The following LINGO2 variants were observed in gnomAD, a reference collection of about 807,000 sequenced individuals.
LINGO2 encodes leucine rich repeat and Ig domain containing 2.
A neutral mutation model predicts 30.6 loss-of-function variants in LINGO2; 14 were observed. The ratio of observed to expected loss-of-function variants is 0.46; its 90% CI spans 0.30 to 0.72. LINGO2 has a LOEUF of 0.72. Among genes scored for constraint, LINGO2 ranks in the 30% least tolerant of loss-of-function variants. The pLI, the probability that LINGO2 is intolerant of heterozygous loss-of-function variation, is 0.07. For missense variants in LINGO2, 729 were observed against 751.7 expected (o/e 0.97, Z 0.35); for synonymous variants, 317 against 288.5 (o/e 1.10, Z -1.00).
intron 1 of LINGO2, among the ~76,000 whole-genome samples, chr9:28,566,280 C>A (rs932346184): frequency 3.9e-5 from 6 of 152,084 alleles, no homozygotes; most frequent in Non-Finnish European, 8.8e-5. Flanking sequence ...AGAATGGCAC[C>A]ATTTCAATAT....
the LINGO2 span, among the ~76,000 whole-genome samples, chr9:28,947,248 G>A: frequency 3.3e-5 from 5 of 151,606 alleles, no homozygotes; most frequent in South Asian, 6.2e-4. Context: ...TAAACATTTC[G>A]TTAATTACAA....
At chr9:28,119,946 C>G (rs1215225702) in intron 4 of LINGO2, among the ~76,000 whole-genome samples, 2 of 152,114 alleles carry the variant, frequency 1.3e-5, no homozygotes, top group South Asian at 2.1e-4. Flanking sequence ...GGTTAAAATA[C>G]TAGAGTTTCT....
the LINGO2 span, among the ~76,000 whole-genome samples, chr9:28,992,307 A>G: frequency 2.0e-5 from 3 of 152,160 alleles, no homozygotes; most frequent in Non-Finnish European, 4.4e-5. Flanking sequence ...ATACAACAAG[A>G]AGAGCTAACT....
chr9:28,844,417 C>A, the LINGO2 span, among the ~76,000 whole-genome samples: 2 of 151,760 alleles, frequency 1.3e-5, no homozygotes, highest in Non-Finnish European at 2.9e-5. Flanking sequence ...CAGATGTAAT[C>A]CAATATGAGC....
At chr9:28,542,025 G>A (rs1470925957) in intron 1 of LINGO2, among the ~76,000 whole-genome samples, 2 of 152,114 alleles carry the variant, frequency 1.3e-5, no homozygotes, top group Non-Finnish European at 2.9e-5. Context: ...AACAGAGTTT[G>A]GGGTACAAAA....
chr9:28,302,105 A>T (rs1347588188), intron 3 of LINGO2, among the ~76,000 whole-genome samples: 1 of 152,212 alleles, frequency 6.6e-6, no homozygotes, highest in African/African-American at 2.4e-5. Flanking sequence ...AAAGACCTCT[A>T]GCAGCTAATA....
At chr9:28,388,365 G>T (rs1295814561) in intron 2 of LINGO2, among the ~76,000 whole-genome samples, 1 of 152,130 alleles carries the variant, frequency 6.6e-6, no homozygotes, top group East Asian at 1.9e-4. Context: ...AAACATTGCT[G>T]CTGTTAACGT....
intron 3 of LINGO2, among the ~76,000 whole-genome samples, chr9:28,302,177 G>T (rs1207794275): frequency 6.6e-6 from 1 of 152,122 alleles, no homozygotes; most frequent in South Asian, 2.1e-4. Flanking sequence ...ACAAGCTAAT[G>T]CAATCAAGTT....
intron 4 of LINGO2, among the ~76,000 whole-genome samples, chr9:28,174,375 G>A (rs1191067108): frequency 6.6e-6 from 1 of 152,166 alleles, no homozygotes; most frequent in African/African-American, 2.4e-5. Context: ...TTTACAAAAT[G>A]CCACTTGCTC....
chr9:28,933,220 C>T, the LINGO2 span, among the ~76,000 whole-genome samples: 3 of 152,008 alleles, frequency 2.0e-5, no homozygotes, highest in Non-Finnish European at 4.4e-5. Context: ...TTATCTCATT[C>T]CACTGTATTT....
chr9:28,225,782 A>T (rs1299279964), intron 4 of LINGO2, among the ~76,000 whole-genome samples: 13 of 152,298 alleles, frequency 8.5e-5, no homozygotes, highest in Non-Finnish European at 1.9e-4. Context: ...CAATTTTACT[A>T]GTAGTGCAAA....
chr9:28,576,457 A>G (rs1327653920), intron 1 of LINGO2, among the ~76,000 whole-genome samples: 1 of 152,214 alleles, frequency 6.6e-6, no homozygotes, highest in African/African-American at 2.4e-5. Flanking sequence ...CTAATTTACA[A>G]GTAATGTAAT....
intron 4 of LINGO2, among the ~76,000 whole-genome samples, chr9:28,190,655 T>C (rs1042662776): frequency 6.6e-6 from 1 of 152,164 alleles, no homozygotes; most frequent in Non-Finnish European, 1.5e-5. Context: ...TCCCAGCCTT[T>C]AGAATTGTGA....
At chr9:28,247,843 A>T (rs4615678) in intron 4 of LINGO2, among the ~76,000 whole-genome samples, 15,364 of 152,276 alleles carry the variant, frequency 0.1, 830 homozygotes, top group African/African-American at 0.1. Flanking sequence ...AATGGCAAAC[A>T]TGCATTTGAA....
At chr9:28,638,889 C>G (rs1385693008) in intron 1 of LINGO2, among the ~76,000 whole-genome samples, 1 of 152,114 alleles carries the variant, frequency 6.6e-6, no homozygotes, top group Non-Finnish European at 1.5e-5. Context: ...TCTTGCTTCT[C>G]TAGTTCTTTG....
the LINGO2 span, among the ~76,000 whole-genome samples, chr9:29,065,065 A>T: frequency 6.6e-6 from 1 of 152,242 alleles, no homozygotes; most frequent in Admixed American, 6.5e-5. Flanking sequence ...CTCCCAGCAC[A>T]TCCAGGACAT....
chr9:28,229,720 A>G (rs1821292829), intron 4 of LINGO2, among the ~76,000 whole-genome samples: 1 of 151,836 alleles, frequency 6.6e-6, no homozygotes, highest in Non-Finnish European at 1.5e-5. Context: ...AATTTAACAT[A>G]TTGGCTTTCA....
chr9:28,938,207 C>A, the LINGO2 span, among the ~76,000 whole-genome samples: 1 of 152,150 alleles, frequency 6.6e-6, no homozygotes, highest in African/African-American at 2.4e-5. Context: ...TGGAGTCACC[C>A]ATTTATTATT....
the LINGO2 span, among the ~76,000 whole-genome samples, chr9:28,830,389 T>C: frequency 1.3e-5 from 2 of 152,088 alleles, no homozygotes; most frequent in East Asian, 3.9e-4. Flanking sequence ...AGATTGGGGA[T>C]TGCTTGTAAT....
Sources: allele counts gnomAD v4.1 joint callset (sites outside exome capture counted in the v4.1 genomes callset), GRCh38; gene constraint gnomAD v4.1.1; transcripts MANE v1.5; gene names NCBI Gene and HGNC (gene_info 2026-07-23, HGNC 2026-07-21).